The following SLC17A4 variants were observed in gnomAD, a reference collection of about 807,000 sequenced individuals.
SLC17A4 encodes solute carrier family 17 member 4.
In SLC17A4, 33 loss-of-function variants were observed where a neutral mutation model predicts 52.5. The ratio of observed to expected loss-of-function variants is 0.63; its 90% confidence interval spans 0.48 to 0.84. The LOEUF (loss-of-function observed/expected upper bound fraction) is 0.84. SLC17A4 is among the 40% of genes least tolerant of loss of function. The probability of loss-of-function intolerance (pLI) is 0.00; values close to 1 mark genes in which losing one functional copy is unlikely to be tolerated. For synonymous variants in SLC17A4, 225 were observed against 216.2 expected, an observed-to-expected ratio of 1.04 and a Z score of -0.36; for missense variants, 585 against 597.1, an observed-to-expected ratio of 0.98 and a Z score of 0.21.
chr6:25,771,300 G>T (rs535850649), intron 6 of SLC17A4, among the ~76,000 whole-genome samples: 4 of 152,142 alleles, frequency 2.6e-5, no homozygotes, highest in African/African-American at 9.7e-5. Context: ...TAGGCTAGGC[G>T]TGGTAGCTCA....
chr6:25,777,879 A>G (rs2151464512), intron 10 of SLC17A4, 47 bp from the exon 11 acceptor site: 1 of 1,511,434 alleles, frequency 6.6e-7, no homozygotes, highest in African/African-American at 1.4e-5. Context: ...GAGACTTTCA[A>G]ACGTAGGTAT....
intron 8 of SLC17A4, among the ~76,000 whole-genome samples, chr6:25,775,060 T>C (rs28422056): frequency 6.6e-6 from 1 of 152,166 alleles, no homozygotes; most frequent in Non-Finnish European, 1.5e-5. Flanking sequence ...TCAGGTGTGG[T>C]GGCTCATGCC....
At position 25,757,876 on chromosome 6, in the gene SLC17A4, T is replaced by C. The variant is rs189347230; in HGVS notation, c.-37+3095T>C. Among the ~76,000 whole-genome samples, 105 of 152,342 alleles carry C rather than the reference T, an allele frequency of 6.9e-4. 2 individuals carry two copies. The highest frequency in any genetic ancestry group is 6.6e-3 in the Admixed American group (101 of 15,298). ...CACTAACTCAGCAGTTAGGGTTCCTTTCTCAGGTGTTGGGCATCAGGCAGT... is the reference window on the plus strand; with the variant it reads ...CACTAACTCAGCAGTTAGGGTTCCTCTCTCAGGTGTTGGGCATCAGGCAGT... On this transcript the variant is annotated intron_variant, in intron 1 of 11. Transcript: ENST00000377905.
intron 6 of SLC17A4, among the ~76,000 whole-genome samples, chr6:25,771,366 G>A (rs1197540930): frequency 6.6e-6 from 1 of 152,088 alleles, no homozygotes; most frequent in Non-Finnish European, 1.5e-5. Flanking sequence ...ATGAGTCCAG[G>A]AGTTTGAAAC....
chr6:25,755,915 T>C (rs1760976477), intron 1 of SLC17A4, among the ~76,000 whole-genome samples: 1 of 152,220 alleles, frequency 6.6e-6, no homozygotes, highest in Admixed American at 6.5e-5. Context: ...TGATGATTCT[T>C]CCCTTTCTCT....
At position 25,770,428 on chromosome 6, in the gene SLC17A4, T is replaced by C. The variant is rs962735567; in HGVS notation, c.576T>C (p.Ala192=). The change falls in exon 5 of 12, where the codon GCT becomes GCC. Residue 192 remains alanine (A), a synonymous_variant. Coordinates refer to ENST00000377905, the MANE Select transcript of SLC17A4 (RefSeq NM_005495.3). ...TGQYSIWVKW[A]PPLERSQLTT... ...AGTATTCAATTTGGGTCAAATGGGC[T>C]CCCCCACTGGAAAGGAGTCAACTCA... The C allele has an allele frequency of 3.1e-6, 5 of 1,613,874 alleles. No homozygotes were observed. In the African/African-American group the frequency reaches 6.7e-5, roughly 22 times the overall value.
intron 1 of SLC17A4, among the ~76,000 whole-genome samples, chr6:25,760,590 T>C (rs1761446016): frequency 6.6e-6 from 1 of 152,168 alleles, no homozygotes; most frequent in Non-Finnish European, 1.5e-5. Flanking sequence ...TTTGTCCTCC[T>C]AGAAGTCCTA....
rs371333508 is a variant in SLC17A4 at position 25,770,228 on chromosome 6, C to T, written c.459C>T (p.Leu153=). Residue 153 remains leucine (L), a synonymous_variant, in exon 4 of 12, where the codon CTC becomes CTT. Coordinates refer to ENST00000377905, the MANE Select transcript of SLC17A4 (RefSeq NM_005495.3). ...AGLFISSFLT[L]FIPLAANAGV... is the part of the protein sequence containing the mutation. Reference sequence around the variant, plus strand: ...TGTTTATTTCCTCATTCCTGACCCTCTTCATTCCACTGGCAGCTAATGCGG... The same window carrying T: ...TGTTTATTTCCTCATTCCTGACCCTTTTCATTCCACTGGCAGCTAATGCGG... 8 of 1,614,018 alleles carry T rather than the reference C, an allele frequency of 5.0e-6. No individual in the cohort carries two copies. In the African/African-American group the frequency reaches 8.0e-5, roughly 16 times the overall value.
At position 25,776,886 on chromosome 6, in the gene SLC17A4, T is replaced by C; in HGVS notation, c.1195T>C (p.Leu399=). The change falls in exon 10 of 12, where the codon TTG becomes CTG. Residue 399 remains leucine (L), a synonymous_variant. Coordinates refer to ENST00000377905, the MANE Select transcript of SLC17A4 (RefSeq NM_005495.3). ...RSSHSMTMTF[L]VLSSAISSFC... Reference sequence around the variant, plus strand: ...CAGCCACAGCATGACCATGACCTTCTTGGTGCTGTCTTCTGCCATCAGCAG... The same window carrying C: ...CAGCCACAGCATGACCATGACCTTCCTGGTGCTGTCTTCTGCCATCAGCAG... The C allele has an allele frequency of 1.2e-6, 2 of 1,613,996 alleles. No individual in the cohort carries two copies. Among genetic ancestry groups the C allele is most frequent in the Non-Finnish European group, 1.7e-6 (2 of 1,179,890 alleles).
chr6:25,771,088 C>A, intron 6 of SLC17A4, 76 bp downstream of exon 6: 1 of 1,177,114 alleles, frequency 8.5e-7, no homozygotes, highest in East Asian at 2.3e-5. Context: ...TTAACCAAAT[C>A]CTAATAGATA....
In SLC17A4 at chr6:25,770,479, G is replaced by A. The variant is rs4712970; in HGVS notation, c.619+8G>A. 0.3 allele frequency: 491,553 copies of A among 1,611,888 alleles called. 83,367 individuals are homozygous for A. The highest frequency in any genetic ancestry group is 0.76 in the East Asian group (34,048 of 44,840). ...CCACCATTGCTGGATCAGGTAACTG[G>A]TACCCTAAACCTCACTTTACATGCA... is the stretch of plus-strand genomic sequence containing the variant. On this transcript the variant is annotated splice_region_variant and intron_variant, in intron 5 of 11. Coordinates refer to ENST00000377905, the MANE Select transcript of SLC17A4 (RefSeq NM_005495.3).
In SLC17A4 at chr6:25,771,015, G is replaced by T; in HGVS notation, c.706+3G>T. 6.2e-7 allele frequency: 1 copy of T among 1,612,460 alleles called. No individual in the cohort carries two copies. The highest frequency in any genetic ancestry group is 1.1e-5 in the South Asian group (1 of 91,026). On this transcript the variant is annotated splice_donor_region_variant and intron_variant, in intron 6 of 11. Coordinates refer to ENST00000377905, the MANE Select transcript of SLC17A4 (RefSeq NM_005495.3). The stretch of plus-strand genomic sequence containing the variant: ...GCCTTACGTCTTCTATATCTTTGGT[G>T]AGTGTGCTTTTCAAATCTCCAATTT...
Position 25,773,809 on chromosome 6 carries a change from G to T in SLC17A4, c.987+135G>T, listed in dbSNP as rs1440134002. On this transcript the variant is annotated intron_variant, in intron 8 of 11. Coordinates refer to ENST00000377905, the MANE Select transcript of SLC17A4 (RefSeq NM_005495.3). ...CAGGCAGGACCTCCATATAGGAAATGCAATCTAGTTAATTTGGATTCTGAT... is the reference window on the plus strand; with the variant it reads ...CAGGCAGGACCTCCATATAGGAAATTCAATCTAGTTAATTTGGATTCTGAT... The T allele has an allele frequency of 7.6e-6, 6 of 788,460 alleles. No homozygotes were observed. The East Asian group carries it at 1.6e-4, about 21-fold the overall frequency. 48.8% of individuals were successfully genotyped at this position (788,460 alleles called of 1,614,324 possible). A position where few individuals can be genotyped will look rare whatever the true frequency, so the allele number is the denominator to read the frequency against.
In SLC17A4 at chr6:25,770,271, G is replaced by T. The variant is rs1411894754; in HGVS notation, c.502G>T (p.Val168Phe). ...TAATGCGGGAGTGGCCTTGCTCATT[G>T]TCCTCCGGATTGTACAAGGCATAGC... is the stretch of plus-strand genomic sequence containing the variant. ...AANAGVALLI[V>F]LRIVQGIAQV... is the part of the protein sequence containing the mutation. Residue 168 changes from valine to phenylalanine, a missense_variant, in exon 4 of 12, where the codon GTC (valine) becomes TTC (phenylalanine). By Grantham distance (50) the Val-to-Phe change is conservative (BLOSUM62 -1). Coordinates refer to ENST00000377905, the MANE Select transcript of SLC17A4 (RefSeq NM_005495.3). 6.2e-7 allele frequency: 1 copy of T among 1,614,090 alleles called. No individual in the cohort carries two copies. Among genetic ancestry groups the T allele is most frequent in the Admixed American group, 1.7e-5 (1 of 59,986 alleles).
intron 5 of SLC17A4, 110 bp from the exon 6 acceptor site, chr6:25,770,816 T>C: frequency 1.2e-6 from 1 of 824,394 alleles, no homozygotes; most frequent in South Asian, 1.5e-5. Flanking sequence ...CCTAGATAGT[T>C]TGGCTTGAAA....
At chr6:25,756,398 G>C (rs1761018422) in intron 1 of SLC17A4, among the ~76,000 whole-genome samples, 1 of 152,198 alleles carries the variant, frequency 6.6e-6, no homozygotes, top group African/African-American at 2.4e-5. Context: ...TAAGTGGTTA[G>C]ACTAGGCAGA....
At chr6:25,768,393 AG>A in intron 2 of SLC17A4, 2 of 987,558 alleles carry the variant, frequency 2.0e-6, no homozygotes, top group Non-Finnish European at 2.4e-6. Context: ...ACTCAACCAC[AG>A]GGATATCCCC....
At chr6:25,758,428 C>T (rs181265909) in intron 1 of SLC17A4, among the ~76,000 whole-genome samples, 25 of 152,280 alleles carry the variant, frequency 1.6e-4, no homozygotes, top group Admixed American at 5.9e-4. Context: ...CATGTAAACA[C>T]CAAAGACAAA....
chr6:25,778,022 G>A lies in SLC17A4; in HGVS notation c.1359+6G>A. The A allele has an allele frequency of 6.5e-7, 1 of 1,534,454 alleles. No homozygotes were observed. The highest frequency in any genetic ancestry group is 1.1e-5 in the South Asian group (1 of 87,204). On this transcript the variant is annotated splice_donor_region_variant and intron_variant, in intron 11 of 11. Coordinates refer to ENST00000377905, the MANE Select transcript of SLC17A4 (RefSeq NM_005495.3). ...CTGGATTTTTCATCAGTCAGGTGAGGTCAAATGTTCTGATGAATATTCATA... is the reference window on the plus strand; with the variant it reads ...CTGGATTTTTCATCAGTCAGGTGAGATCAAATGTTCTGATGAATATTCATA...
Sources: gnomAD v4.1 joint callset for allele counts (sites outside exome capture counted in the v4.1 genomes callset) on GRCh38, gnomAD v4.1.1 for gene constraint, MANE v1.5 for transcripts, NCBI Gene and HGNC (gene_info 2026-07-23, HGNC 2026-07-21) for gene names.